Variants in PAQR3 observed in about 807,000 individuals in gnomAD.
The protein encoded by PAQR3 is progestin and adipoQ receptor family member 3.
PAQR3 carries 39 observed loss-of-function variants against 41.7 expected under a neutral mutation model. The ratio of observed to expected loss-of-function variants is 0.93; its 90% CI spans 0.72 to 1.22. The LOEUF (loss-of-function observed/expected upper bound fraction) is 1.22. Ranked by LOEUF, PAQR3 falls within the 50% of genes most tolerant of loss-of-function variation. The pLI, the probability that PAQR3 is intolerant of heterozygous loss-of-function variation, is 0.00. For missense variants in PAQR3, 366 were observed against 385.6 expected (o/e 0.95, Z 0.42); for synonymous variants, 140 against 140.6 (o/e 1.00, Z 0.03).
In PAQR3 at chr4:78,919,619, T is replaced by C. The variant is rs1735457499; in HGVS notation, c.*920A>G. ...ATTTCAGGGTCAAGACAGGGCCATC[T>C]AGATTCTATGGCCTTGCAAGTAGCA... On this transcript the variant is annotated 3_prime_UTR_variant, in exon 6 of 6. Coordinates refer to ENST00000512733, the MANE Select transcript of PAQR3 (RefSeq NM_001040202.2). 1 of 985,126 alleles carries C rather than the reference T, an allele frequency of 1.0e-6. No homozygotes were observed. The highest frequency in any genetic ancestry group is 1.7e-5 in the African/African-American group (1 of 57,324). The allele number at this position is 985,126 out of a possible 1,614,324, so 61.0% of individuals were successfully genotyped here.
chr4:78,892,650 A>C (rs1214524696), intron 11 of PAQR3, among the ~76,000 whole-genome samples: 1 of 152,238 alleles, frequency 6.6e-6, no homozygotes, highest in Non-Finnish European at 1.5e-5. Flanking sequence ...CTTTGGAGAT[A>C]CTGCAGGTTC....
At chr4:78,924,715 G>GT (rs11363806) in intron 4 of PAQR3, among the ~76,000 whole-genome samples, 41 of 146,180 alleles carry the variant, frequency 2.8e-4, no homozygotes, top group African/African-American at 4.0e-4. Context: ...CTCTACAGTT[G>GT]TTTTTTTTTT....
downstream of PAQR3, among the ~76,000 whole-genome samples, chr4:78,908,717 C>G (rs1028944882): frequency 5.3e-5 from 8 of 152,070 alleles, no homozygotes; most frequent in African/African-American, 1.7e-4. Flanking sequence ...TTTAGTACTC[C>G]TCTTCACTTT....
Position 78,917,315 on chromosome 4 carries a change from T to C in PAQR3, c.*3224A>G, listed in dbSNP as rs574832242. The C allele has an allele frequency of 2.6e-5, 4 of 152,052 alleles. No homozygotes were observed. The highest frequency in any genetic ancestry group is 4.1e-4 in the South Asian group (2 of 4,830). 9.4% of individuals were successfully genotyped at this position (152,052 alleles called of 1,614,324 possible). Reference sequence around the variant, plus strand: ...GAGATTATGTGCAGGTTAGGTAGTATTTTGATCTCAGATTTTATAGAGCAG... The same window carrying C: ...GAGATTATGTGCAGGTTAGGTAGTACTTTGATCTCAGATTTTATAGAGCAG... On this transcript the variant is annotated 3_prime_UTR_variant, in exon 6 of 6. Transcript: ENST00000512733.
Position 78,915,492 on chromosome 4 carries a change from T to C in PAQR3, c.*5047A>G, listed in dbSNP as rs1734965431. On this transcript the variant is annotated 3_prime_UTR_variant, in exon 6 of 6. Coordinates refer to ENST00000512733, the MANE Select transcript of PAQR3 (RefSeq NM_001040202.2). ...CATTTTTTTTTCTTTTTAGCAAACT[T>C]GTTATTTTAGGTCCAATTATTGAGT... 1.3e-5 allele frequency: 2 copies of C among 152,048 alleles called. No individual in the cohort carries two copies. The highest frequency in any genetic ancestry group is 4.8e-5 in the African/African-American group (2 of 41,520). 9.4% of individuals were successfully genotyped at this position (152,048 alleles called of 1,614,324 possible).
downstream of PAQR3, chr4:78,910,633 C>A: frequency 6.5e-7 from 1 of 1,544,026 alleles, no homozygotes; most frequent in Non-Finnish European, 8.7e-7. Context: ...GAAAGCTGAA[C>A]ATTCATCTAT....
rs913596844 is a variant in PAQR3, at chr4:78,921,745, GC to G, written c.794-1065del. The G allele has an allele frequency of 2.6e-5, 26 of 984,052 alleles. No homozygotes were observed. The African/African-American group carries it at 4.0e-4, about 15-fold the overall frequency. 61.0% of individuals were successfully genotyped at this position (984,052 alleles called of 1,614,324 possible). A position where few individuals can be genotyped will look rare whatever the true frequency, so the allele number is the denominator to read the frequency against. On this transcript the variant is annotated intron_variant, in intron 5 of 5. Coordinates refer to ENST00000512733, the MANE Select transcript of PAQR3 (RefSeq NM_001040202.2). Reference sequence around the variant, plus strand: ...TTAAAATTTATTTTATTTCCCAGTGGCCAGGTCATACATGAGGACTTGCCAG... The same window carrying G: ...TTAAAATTTATTTTATTTCCCAGTGGCAGGTCATACATGAGGACTTGCCAG...
chr4:78,908,687 T>C (rs1734407399), downstream of PAQR3, among the ~76,000 whole-genome samples: 1 of 152,228 alleles, frequency 6.6e-6, no homozygotes, highest in African/African-American at 2.4e-5. Context: ...ATGTCAAGCT[T>C]AATGTCTCCA....
chr4:78,901,360 C>G (rs996826562), intron 11 of PAQR3, among the ~76,000 whole-genome samples: 2 of 151,998 alleles, frequency 1.3e-5, no homozygotes, highest in Non-Finnish European at 2.9e-5. Flanking sequence ...TGTGCCCAGC[C>G]CAAACTTCTT....
intron 11 of PAQR3, among the ~76,000 whole-genome samples, chr4:78,905,021 T>G (rs1560556439): frequency 6.6e-6 from 1 of 151,936 alleles, no homozygotes; most frequent in Non-Finnish European, 1.5e-5. Flanking sequence ...TATAAATATG[T>G]GGAATATATG....
intron 11 of PAQR3, among the ~76,000 whole-genome samples, chr4:78,904,938 T>G (rs1207163481): frequency 1.3e-5 from 2 of 151,898 alleles, no homozygotes; most frequent in South Asian, 2.1e-4. Flanking sequence ...GTTCTTGGTT[T>G]GAAAGTAGGA....
At position 78,920,500 on chromosome 4, in the gene PAQR3, T is replaced by C. The variant is rs374248539; in HGVS notation, c.*39A>G. 6.3e-6 allele frequency: 10 copies of C among 1,589,910 alleles called. No individual in the cohort carries two copies. The highest frequency in any genetic ancestry group is 5.4e-5 in the African/African-American group (4 of 73,696). On this transcript the variant is annotated 3_prime_UTR_variant, in exon 6 of 6. Transcript: ENST00000512733. ...GGGGTATACAATTCCCCATTATATATTGCTTAACAACTGAATTCACCAGGT... is the reference window on the plus strand; with the variant it reads ...GGGGTATACAATTCCCCATTATATACTGCTTAACAACTGAATTCACCAGGT...
At chr4:78,931,232 C>T (rs898632550) in intron 2 of PAQR3, among the ~76,000 whole-genome samples, 32 of 149,422 alleles carry the variant, frequency 2.1e-4, no homozygotes, top group Admixed American at 8.0e-4. Flanking sequence ...GCGGCATGCA[C>T]CTGTGGTCCC....
intron 11 of PAQR3, among the ~76,000 whole-genome samples, chr4:78,896,911 G>T (rs531521687): frequency 1.3e-5 from 2 of 152,234 alleles, no homozygotes; most frequent in East Asian, 3.9e-4. Context: ...TTTATTGCTA[G>T]ATGGGCCTAC....
At chr4:78,893,667 A>G (rs946754316) in intron 11 of PAQR3, among the ~76,000 whole-genome samples, 1 of 152,170 alleles carries the variant, frequency 6.6e-6, no homozygotes, top group East Asian at 1.9e-4. Flanking sequence ...GGCTCCAGTG[A>G]TCCTCCCGCC....
chr4:78,934,498 G>A (rs1737224676), intron 2 of PAQR3, among the ~76,000 whole-genome samples: 3 of 152,108 alleles, frequency 2.0e-5, no homozygotes, highest in Non-Finnish European at 4.4e-5. Context: ...GTCCACATTT[G>A]TTTTCTGATT....
In PAQR3 at chr4:78,920,489, C is replaced by T. The variant is rs1288771564; in HGVS notation, c.*50G>A. 1.3e-6 allele frequency: 2 copies of T among 1,550,058 alleles called. No homozygotes were observed. Among genetic ancestry groups the T allele is most frequent in the South Asian group, 1.2e-5 (1 of 80,252 alleles). ...TTAGAAATAGTGGGGTATACAATTC[C>T]CCATTATATATTGCTTAACAACTGA... On this transcript the variant is annotated 3_prime_UTR_variant, in exon 6 of 6. Coordinates refer to ENST00000512733, the MANE Select transcript of PAQR3 (RefSeq NM_001040202.2).
At chr4:78,922,571 C>A in intron 5 of PAQR3, 1 of 569,880 alleles carries the variant, frequency 1.8e-6, no homozygotes, top group Non-Finnish European at 2.9e-6. Flanking sequence ...ATTTGCATCA[C>A]TTTGTCTCTT....
chr4:78,926,355 T>C (rs1474251589), intron 4 of PAQR3, among the ~76,000 whole-genome samples, 166 bp downstream of exon 4: 1 of 152,136 alleles, frequency 6.6e-6, no homozygotes, highest in Non-Finnish European at 1.5e-5. Flanking sequence ...CTGCAAGGTA[T>C]GCTTATTTAT....
Sources: gnomAD v4.1 joint callset for allele counts (sites outside exome capture counted in the v4.1 genomes callset) on GRCh38, gnomAD v4.1.1 for gene constraint, MANE v1.5 for transcripts, NCBI Gene and HGNC (gene_info 2026-07-23, HGNC 2026-07-21) for gene names.